VTI1A: variants seen among roughly 807,000 people sequenced by gnomAD.
The protein encoded by VTI1A is vesicle transport through interaction with t-SNAREs 1A, also known as vesicle transport through interaction with t-SNAREs homolog 1A.
In VTI1A, 22 loss-of-function variants were observed where a neutral mutation model predicts 34.9. The observed-to-expected ratio is 0.63, with a 90% CI of 0.45 to 0.90. The LOEUF (loss-of-function observed/expected upper bound fraction) is 0.90. VTI1A is among the 40% of genes least tolerant of loss of function. The pLI is 0.00. For missense variants in VTI1A, 268 were observed against 275.6 expected (o/e 0.97, Z 0.20); for synonymous variants, 87 against 97.3 (o/e 0.89, Z 0.62).
chr10:112,601,447 A>G (rs1008296759), intron 5 of VTI1A, among the ~76,000 whole-genome samples: 1 of 151,314 alleles, frequency 6.6e-6, no homozygotes, highest in African/African-American at 2.4e-5. Flanking sequence ...TTTAATTTAA[A>G]TGACTATTTC....
At chr10:112,656,182 G>C (rs531907745) in intron 5 of VTI1A, among the ~76,000 whole-genome samples, 1 of 152,134 alleles carries the variant, frequency 6.6e-6, no homozygotes, top group Non-Finnish European at 1.5e-5. Flanking sequence ...GGGGTGTTTC[G>C]AGGAGAGGGT....
At chr10:112,762,143 C>T (rs1385934667) in intron 7 of VTI1A, among the ~76,000 whole-genome samples, 1 of 152,128 alleles carries the variant, frequency 6.6e-6, no homozygotes, top group African/African-American at 2.4e-5. Context: ...CCAAGGGTGG[C>T]CAAACACTGG....
intron 7 of VTI1A, among the ~76,000 whole-genome samples, chr10:112,757,541 C>A (rs1370048708): frequency 6.9e-6 from 1 of 144,124 alleles, no homozygotes; most frequent in South Asian, 2.2e-4. Flanking sequence ...CGGGCCACCA[C>A]GCCAGACTAA....
intron 5 of VTI1A, among the ~76,000 whole-genome samples, chr10:112,664,326 A>G (rs1347911154): frequency 6.6e-6 from 1 of 152,184 alleles, no homozygotes; most frequent in Non-Finnish European, 1.5e-5. Context: ...AGCTTCAGTC[A>G]GTCCTAACTT....
At chr10:112,833,329 AC>A in the VTI1A span, among the ~76,000 whole-genome samples, 17,938 of 151,494 alleles carry the variant, frequency 0.12, 1,400 homozygotes, top group Admixed American at 0.22. Flanking sequence ...GCATCCTCAT[AC>A]CCCTCTCCAG....
At chr10:112,661,698 T>C (rs183431598) in intron 5 of VTI1A, among the ~76,000 whole-genome samples, 246 of 152,272 alleles carry the variant, frequency 1.6e-3, no homozygotes, top group Non-Finnish European at 2.3e-3. Context: ...GTATTGTTTC[T>C]GATGAAAATT....
At chr10:112,833,855 A>T in the VTI1A span, among the ~76,000 whole-genome samples, 34,326 of 151,878 alleles carry the variant, frequency 0.23, 4,286 homozygotes, top group African/African-American at 0.32. Context: ...AAATGCAGTA[A>T]CTTCAAATTA....
chr10:112,515,386 TAATTATC>T (rs1275050866), intron 3 of VTI1A, among the ~76,000 whole-genome samples: 4 of 152,264 alleles, frequency 2.6e-5, no homozygotes, highest in African/African-American at 9.6e-5. Context: ...TTTATTGATT[TAATTATC>T]AATTATCAAT....
chr10:112,512,581 T>A (rs1849649347), intron 3 of VTI1A, among the ~76,000 whole-genome samples: 1 of 152,214 alleles, frequency 6.6e-6, no homozygotes, highest in Non-Finnish European at 1.5e-5. Flanking sequence ...TTTGGTTTAT[T>A]ACCTATGCTT....
chr10:112,588,937 A>G (rs1366096563), intron 5 of VTI1A, among the ~76,000 whole-genome samples: 1 of 151,416 alleles, frequency 6.6e-6, no homozygotes, highest in African/African-American at 2.4e-5. Context: ...GAAGGGATAG[A>G]GGTATTTATT....
chr10:112,476,818 G>T (rs1848292688), intron 3 of VTI1A, among the ~76,000 whole-genome samples: 1 of 152,136 alleles, frequency 6.6e-6, no homozygotes, highest in Non-Finnish European at 1.5e-5. Flanking sequence ...TAAGTCTTCA[G>T]TTGCTTTCAT....
chr10:112,564,401 G>A, intron 5 of VTI1A, among the ~76,000 whole-genome samples: 1 of 151,314 alleles, frequency 6.6e-6, no homozygotes. Flanking sequence ...TATAGTCAAT[G>A]TCAAATTGAT....
chr10:112,811,464 G>A (rs1168825821), intron 7 of VTI1A, among the ~76,000 whole-genome samples: 1 of 152,068 alleles, frequency 6.6e-6, no homozygotes, highest in Non-Finnish European at 1.5e-5. Context: ...GGAGGCCGAG[G>A]CGGGCGGATC....
chr10:112,764,223 A>G (rs530087201), intron 7 of VTI1A, among the ~76,000 whole-genome samples: 1 of 152,102 alleles, frequency 6.6e-6, no homozygotes, highest in African/African-American at 2.4e-5. Context: ...TGTGGTTTGC[A>G]TGCATGCGGT....
chr10:112,478,237 C>T (rs1245421654), intron 3 of VTI1A, among the ~76,000 whole-genome samples: 2 of 152,108 alleles, frequency 1.3e-5, no homozygotes, highest in Admixed American at 6.5e-5. Flanking sequence ...GTCAGAAAAG[C>T]CCAGGCAGTG....
At chr10:112,836,277 T>C in the VTI1A span, among the ~76,000 whole-genome samples, 1 of 152,196 alleles carries the variant, frequency 6.6e-6, no homozygotes, top group Non-Finnish European at 1.5e-5. Flanking sequence ...TCTTCACCCA[T>C]GGCCAGAGAC....
intron 5 of VTI1A, among the ~76,000 whole-genome samples, chr10:112,661,899 AG>A (rs1847475274): frequency 6.6e-6 from 1 of 151,576 alleles, no homozygotes. Context: ...TCCTGAGTAG[AG>A]TAGCTGGGAC....
chr10:112,536,175 A>G (rs369697414), intron 4 of VTI1A, among the ~76,000 whole-genome samples: 2 of 152,318 alleles, frequency 1.3e-5, no homozygotes, highest in East Asian at 3.9e-4. Context: ...ATCTCTAATA[A>G]CTAAATGTTT....
chr10:112,585,864 C>T (rs1242316550), intron 5 of VTI1A, among the ~76,000 whole-genome samples: 2 of 151,932 alleles, frequency 1.3e-5, no homozygotes, highest in Admixed American at 1.3e-4. Flanking sequence ...ATTATCTAGC[C>T]TTAAAGATTG....
Sources: allele counts gnomAD v4.1 joint callset (sites outside exome capture counted in the v4.1 genomes callset), GRCh38; gene constraint gnomAD v4.1.1; transcripts MANE v1.5; gene names NCBI Gene and HGNC (gene_info 2026-07-23, HGNC 2026-07-21).